Variants in PTPRN2 observed in about 807,000 individuals in gnomAD.
PTPRN2 encodes protein tyrosine phosphatase receptor type N2.
In PTPRN2, 74 loss-of-function variants were observed where a neutral mutation model predicts 118.8. That is an observed-to-expected ratio of 0.62 (90% CI 0.52 to 0.76). PTPRN2 has a LOEUF of 0.76. Among genes scored for constraint, PTPRN2 ranks in the 30% least tolerant of loss-of-function variants. The pLI is 0.00. For missense variants in PTPRN2, 1,481 were observed against 1,394.4 expected, an observed-to-expected ratio of 1.06 and a Z score of -0.99; for synonymous variants, 641 against 608.0, an observed-to-expected ratio of 1.05 and a Z score of -0.80.
chr7:158,550,753 G>A (rs1344363107), intron 1 of PTPRN2, among the ~76,000 whole-genome samples: 1 of 152,222 alleles, frequency 6.6e-6, no homozygotes, highest in African/African-American at 2.4e-5. Flanking sequence ...TTAATGGGCT[G>A]GGACCTGACT....
intron 12 of PTPRN2, among the ~76,000 whole-genome samples, chr7:157,846,325 A>T (rs546886939): frequency 4.2e-4 from 64 of 152,272 alleles, no homozygotes; most frequent in Admixed American, 3.4e-3. Flanking sequence ...TGATTCTATG[A>T]ACCTAAGAAC....
intron 11 of PTPRN2, among the ~76,000 whole-genome samples, chr7:157,917,231 G>A (rs1282748346): frequency 1.3e-5 from 2 of 152,194 alleles, no homozygotes; most frequent in East Asian, 1.9e-4. Context: ...GTTGCAAACC[G>A]CTCTCTCTCA....
intron 9 of PTPRN2, among the ~76,000 whole-genome samples, chr7:158,116,387 C>T (rs1461749132): frequency 6.6e-6 from 1 of 152,190 alleles, no homozygotes; most frequent in Non-Finnish European, 1.5e-5. Context: ...AACTCTGAAG[C>T]CTAATGAAGG....
chr7:158,222,699 C>T (rs1233369285), intron 3 of PTPRN2, among the ~76,000 whole-genome samples: 4 of 152,046 alleles, frequency 2.6e-5, no homozygotes, highest in Non-Finnish European at 4.4e-5. Context: ...TATGTACCCT[C>T]AAACCGAAAA....
chr7:158,548,979 C>T (rs879349700), intron 1 of PTPRN2, among the ~76,000 whole-genome samples: 17 of 152,230 alleles, frequency 1.1e-4, no homozygotes, highest in East Asian at 3.9e-4. Flanking sequence ...GCACGGCCAA[C>T]GCCCGGCCCC....
At chr7:157,693,709 C>A (rs1420956292) in intron 12 of PTPRN2, among the ~76,000 whole-genome samples, 1 of 152,128 alleles carries the variant, frequency 6.6e-6, no homozygotes, top group Non-Finnish European at 1.5e-5. Context: ...CGGGCAGAGG[C>A]CAGAGGGGCC....
chr7:158,343,210 C>G (rs1408185445), intron 2 of PTPRN2, among the ~76,000 whole-genome samples: 1 of 152,046 alleles, frequency 6.6e-6, no homozygotes, highest in East Asian at 1.9e-4. Flanking sequence ...TCGACAACAA[C>G]AACAAAAAAC....
chr7:158,489,838 C>T, intron 1 of PTPRN2, 53 bp from the exon 2 acceptor site: 5 of 1,504,960 alleles, frequency 3.3e-6, no homozygotes, highest in Non-Finnish European at 4.5e-6. Context: ...GAGGGGGGTG[C>T]CCCCGAGGCT....
chr7:158,399,707 A>C (rs1239330802), intron 2 of PTPRN2, among the ~76,000 whole-genome samples: 1 of 152,066 alleles, frequency 6.6e-6, no homozygotes, highest in African/African-American at 2.4e-5. Flanking sequence ...ATGGAAGGGG[A>C]GGGGAGAGGA....
intron 12 of PTPRN2, among the ~76,000 whole-genome samples, chr7:157,834,914 A>C (rs545472360): frequency 6.6e-6 from 1 of 152,192 alleles, no homozygotes; most frequent in Admixed American, 6.5e-5. Context: ...GTGAACATTG[A>C]CCTGTCCGCC....
intron 11 of PTPRN2, among the ~76,000 whole-genome samples, chr7:157,924,495 G>C (rs1244955481): frequency 6.6e-6 from 1 of 152,198 alleles, no homozygotes; most frequent in Non-Finnish European, 1.5e-5. Flanking sequence ...CATCCACAGG[G>C]CCCTGCTCAC....
chr7:157,656,101 C>G (rs936250418), intron 14 of PTPRN2, among the ~76,000 whole-genome samples: 5 of 40,058 alleles, frequency 1.2e-4, no homozygotes, highest in Non-Finnish European at 3.7e-4. Flanking sequence ...CTCTTACACA[C>G]CAGGGACTGT....
At position 158,327,293 on chromosome 7, in the gene PTPRN2, G is replaced by GC. The variant is rs1803689969; in HGVS notation, c.164-10362_164-10361insG. 2.9e-5 allele frequency among the ~76,000 whole-genome samples: 4 copies of GC among 138,098 alleles called. 1 individual carries two copies. The South Asian group carries it at 9.8e-4, about 34-fold the overall frequency. 90.6% of individuals were successfully genotyped at this position (138,098 alleles called of 152,430 possible). A position where few individuals can be genotyped will look rare whatever the true frequency, so the allele number is the denominator to read the frequency against. On this transcript the variant is annotated intron_variant, in intron 2 of 22. Transcript: ENST00000389418. Reference sequence around the variant, plus strand: ...CACGTGCTCACACATGCTCACACATGTACACATTCTCACACATACACATTC... The same window carrying GC: ...CACGTGCTCACACATGCTCACACATGCTACACATTCTCACACATACACATTC...
chr7:158,532,055 G>A (rs1304695305), intron 1 of PTPRN2, among the ~76,000 whole-genome samples: 2 of 152,220 alleles, frequency 1.3e-5, no homozygotes, highest in East Asian at 1.9e-4. Context: ...ATAGGTTTTT[G>A]CCACAGTGAA....
chr7:158,126,756 A>C (rs1405728061), intron 9 of PTPRN2, among the ~76,000 whole-genome samples: 2 of 152,144 alleles, frequency 1.3e-5, no homozygotes, highest in Admixed American at 1.3e-4. Flanking sequence ...TTCACATTTC[A>C]CATCTCACAG....
In PTPRN2 at chr7:158,522,352, GGA is replaced by G. The variant is rs1364446678; in HGVS notation, c.113-32569_113-32568del. On this transcript the variant is annotated intron_variant, in intron 1 of 22. Coordinates refer to ENST00000389418, the MANE Select transcript of PTPRN2 (RefSeq NM_002847.5). ...GGAGGGAGGTCCACGTCACAATGGT[GGA>G]CTGTCCAGGTGCTGGCTCGGGAGGG... Among the ~76,000 whole-genome samples the G allele has an allele frequency of 8.8e-4, 115 of 130,336 alleles. 16 individuals are homozygous for G. The South Asian group carries it at 0.011, about 12-fold the overall frequency. 85.5% of individuals were successfully genotyped at this position (130,336 alleles called of 152,430 possible). A position where few individuals can be genotyped will look rare whatever the true frequency, so the allele number is the denominator to read the frequency against.
chr7:157,615,115 T>C lies in PTPRN2; in HGVS notation c.2344+6247A>G, dbSNP rs1244325910. 6.6e-6 allele frequency among the ~76,000 whole-genome samples: 1 copy of C among 152,224 alleles called. No individual in the cohort carries two copies. The highest frequency in any genetic ancestry group is 1.5e-5 in the Non-Finnish European group (1 of 68,046). ...TCGTCCAGCCAGAAAATAAATGAAG[T>C]GCTCGCAGGTCACGCTAATACGGCC... On this transcript the variant is annotated intron_variant, in intron 15 of 22. Transcript: ENST00000389418. The surrounding 1 kb of genome is among the most constrained non-coding windows in gnomAD (Gnocchi z 4.3).
intron 2 of PTPRN2, among the ~76,000 whole-genome samples, chr7:158,441,349 GTGGTGA>G (rs1451197591): frequency 6.8e-6 from 1 of 147,822 alleles, no homozygotes; most frequent in Non-Finnish European, 1.5e-5. Context: ...ATCAGTGATG[GTGGTGA>G]TGGTGATGGC....
At chr7:158,254,657 T>C (rs530040501) in intron 3 of PTPRN2, among the ~76,000 whole-genome samples, 63 of 142,578 alleles carry the variant, frequency 4.4e-4, no homozygotes, top group South Asian at 9.4e-4. Flanking sequence ...CGACCCGCCC[T>C]CCATCTCCAC....
Sources: gnomAD v4.1 joint callset for allele counts (sites outside exome capture counted in the v4.1 genomes callset) on GRCh38, gnomAD v4.1.1 for gene constraint, Gnocchi (gnomAD v3.1) non-coding constraint, MANE v1.5 for transcripts, NCBI Gene and HGNC (gene_info 2026-07-23, HGNC 2026-07-21) for gene names.